The following VCAM1 variants were observed in gnomAD, a reference collection of about 807,000 sequenced individuals.
VCAM1 encodes the protein vascular cell adhesion molecule 1.
A neutral mutation model predicts 63.8 loss-of-function variants in VCAM1; 41 were observed. The observed-to-expected ratio is 0.64, with a 90% confidence interval of 0.50 to 0.83. The LOEUF (loss-of-function observed/expected upper bound fraction) is 0.83. VCAM1 is among the 40% of genes least tolerant of loss of function. The pLI, the probability that VCAM1 is intolerant of heterozygous loss-of-function variation, is 0.00. For missense variants in VCAM1, 798 were observed against 875.5 expected (o/e 0.91, Z 1.12); for synonymous variants, 338 against 320.7 (o/e 1.05, Z -0.58).
At position 100,720,521 on chromosome 1, in the gene VCAM1, C is replaced by G. The variant is rs1266590166; in HGVS notation, c.110C>G (p.Ala37Gly). ...ACCACCCCAGAATCTAGATATCTTG[C>G]TCAGATTGGTGACTCCGTCTCATTG... is the stretch of plus-strand genomic sequence containing the variant. Reference protein sequence around the residue: ...IETTPESRYLAQIGDSVSLTC... With the variant: ...IETTPESRYLGQIGDSVSLTC... Residue 37 changes from alanine (A) to glycine (G), a missense_variant, in exon 2 of 9, where the codon GCT (alanine) becomes GGT (glycine). Physicochemically the swap from Ala to Gly is moderately conservative, Grantham distance 60. Transcript: ENST00000294728. The G allele has an allele frequency of 6.2e-7, 1 of 1,613,048 alleles. No homozygotes were observed.
At chr1:100,723,419 G>T in intron 3 of VCAM1, 79 bp downstream of exon 3, 55 of 1,244,046 alleles carry the variant, frequency 4.4e-5, no homozygotes, top group South Asian at 5.1e-5. Flanking sequence ...TAGCAGAAAA[G>T]TAAAAAAAAA....
rs934788682 is a variant in VCAM1 at position 100,737,778 on chromosome 1, G to GTGCCTCTCTCCAATTCCTGTTCT, written c.2060-319_2060-297dup. On this transcript the variant is annotated intron_variant, in intron 8 of 8. Coordinates refer to ENST00000294728, the MANE Select transcript of VCAM1 (RefSeq NM_001078.4). Reference sequence around the variant, plus strand: ...TAGATATTTTTATTTCCCCAAGCAAGTGCCTCTCTCCAATTCCTGTTCTTG... The same window carrying GTGCCTCTCTCCAATTCCTGTTCT: ...TAGATATTTTTATTTCCCCAAGCAAGTGCCTCTCTCCAATTCCTGTTCTTGCCTCTCTCCAATTCCTGTTCTTG... 9.2e-4 allele frequency: 154 copies of GTGCCTCTCTCCAATTCCTGTTCT among 167,724 alleles called. 1 individual carries two copies. Among genetic ancestry groups the GTGCCTCTCTCCAATTCCTGTTCT allele is most frequent in the Non-Finnish European group, 1.5e-3 (118 of 78,118 alleles). 10.4% of individuals were successfully genotyped at this position (167,724 alleles called of 1,614,324 possible). A position where few individuals can be genotyped will look rare whatever the true frequency, so the allele number is the denominator to read the frequency against.
Position 100,738,784 on chromosome 1 carries a change from G to A in VCAM1, c.*501G>A, listed in dbSNP as rs1471787621. The A allele has an allele frequency of 6.6e-6, 1 of 152,256 alleles. No individual in the cohort carries two copies. Among genetic ancestry groups the A allele is most frequent in the Non-Finnish European group, 1.5e-5 (1 of 68,122 alleles). 9.4% of individuals were successfully genotyped at this position (152,256 alleles called of 1,614,324 possible). A position where few individuals can be genotyped will look rare whatever the true frequency, so the allele number is the denominator to read the frequency against. ...ATTTCAGGTTTTGTAAAGATGCCGG[G>A]TTTTATATTTTTATAGACAAATAAT... is the stretch of plus-strand genomic sequence containing the variant. On this transcript the variant is annotated 3_prime_UTR_variant, in exon 9 of 9. Transcript: ENST00000294728.
rs372051353 is a variant in VCAM1 at position 100,729,309 on chromosome 1, C to T, written c.1131C>T (p.Asn377=). Residue 377 remains asparagine (N), a synonymous_variant, in exon 5 of 9, where the codon AAC becomes AAT. Coordinates refer to ENST00000294728, the MANE Select transcript of VCAM1 (RefSeq NM_001078.4). ...CCCTGAGCCCTGTGAGTTTTGAGAA[C>T]GAACACTCTTATCTGTGCACAGTGA... ...TLTLSPVSFE[N]EHSYLCTVTC... The T allele has an allele frequency of 4.3e-5, 69 of 1,613,224 alleles. No homozygotes were observed. The highest frequency in any genetic ancestry group is 6.7e-5 in the Admixed American group (4 of 59,906).
intron 3 of VCAM1, 36 bp downstream of exon 3, chr1:100,723,376 GA>G: frequency 6.3e-7 from 1 of 1,590,038 alleles, no homozygotes; most frequent in Non-Finnish European, 8.6e-7. Flanking sequence ...GTCTTTGTGG[GA>G]ATCCCACCTT....
intron 5 of VCAM1, among the ~76,000 whole-genome samples, chr1:100,730,139 G>T (rs1660387542): frequency 6.6e-6 from 1 of 152,050 alleles, no homozygotes; most frequent in Non-Finnish European, 1.5e-5. Flanking sequence ...GAACTCAAGA[G>T]AACATATCGT....
In VCAM1 at chr1:100,724,813, A is replaced by T. The variant is rs765786995; in HGVS notation, c.851A>T (p.Glu284Val). ...ATLTLIAMRM[E>V]DSGIYVCEGV... The stretch of plus-strand genomic sequence containing the variant: ...CTCACCTTAATTGCTATGAGGATGG[A>T]AGATTCTGGAATTTATGTGTGTGAA... The change falls in exon 4 of 9, where the codon GAA (glutamate) becomes GTA (valine). Residue 284 changes from glutamate to valine, a missense_variant. Physicochemically the swap from Glu to Val is moderately radical, Grantham distance 121 (BLOSUM62 -2). Coordinates refer to ENST00000294728, the MANE Select transcript of VCAM1 (RefSeq NM_001078.4). 2 of 1,613,006 alleles carry T rather than the reference A, an allele frequency of 1.2e-6. No individual in the cohort carries two copies. Among genetic ancestry groups the T allele is most frequent in the South Asian group, 2.2e-5 (2 of 91,048 alleles).
chr1:100,722,133 A>T (rs1454087079), intron 2 of VCAM1, among the ~76,000 whole-genome samples: 1 of 152,018 alleles, frequency 6.6e-6, no homozygotes, highest in East Asian at 1.9e-4. Context: ...TCTTTTTGCT[A>T]CACAGTTTTG....
intron 1 of VCAM1, 147 bp downstream of exon 1, chr1:100,720,071 G>T: frequency 1.2e-6 from 1 of 845,534 alleles, no homozygotes; most frequent in East Asian, 2.7e-5. Flanking sequence ...CTTTTAATAT[G>T]CAATTGAGTT....
At chr1:100,730,290 A>C (rs533683356) in intron 5 of VCAM1, among the ~76,000 whole-genome samples, 1 of 152,244 alleles carries the variant, frequency 6.6e-6, no homozygotes, top group African/African-American at 2.4e-5. Context: ...TATTACCCAG[A>C]GTCCATGATC....
At chr1:100,727,371 A>G (rs1402251244) in intron 4 of VCAM1, among the ~76,000 whole-genome samples, 1 of 152,026 alleles carries the variant, frequency 6.6e-6, no homozygotes, top group African/African-American at 2.4e-5. Context: ...ATAAAAATCA[A>G]ACTCACCCTA....
chr1:100,734,227 C>T (rs1031909007), intron 7 of VCAM1, among the ~76,000 whole-genome samples: 2 of 152,118 alleles, frequency 1.3e-5, no homozygotes, highest in African/African-American at 4.8e-5. Flanking sequence ...GGACACAGAG[C>T]CAAACCATAT....
In VCAM1 at chr1:100,732,432, A is replaced by G; in HGVS notation, c.1540A>G (p.Thr514Ala). The G allele has an allele frequency of 1.3e-6, 2 of 1,567,554 alleles. No individual in the cohort carries two copies. Among genetic ancestry groups the G allele is most frequent in the East Asian group, 2.3e-5 (1 of 43,946 alleles). The change falls in exon 7 of 9, where the codon ACA becomes GCA. Residue 514 changes from threonine to alanine, a missense_variant. Coordinates refer to ENST00000294728, the MANE Select transcript of VCAM1 (RefSeq NM_001078.4). ...TGCCTTTTCAGTTGCCCCCAGAGAT[A>G]CAACCGTCTTGGTCAGCCCTTCCTC... ...TLYVNVAPRD[T>A]TVLVSPSSIL...
At chr1:100,723,866 T>G (rs1660059766) in intron 3 of VCAM1, among the ~76,000 whole-genome samples, 1 of 151,898 alleles carries the variant, frequency 6.6e-6, no homozygotes, top group Non-Finnish European at 1.5e-5. Context: ...GCCAGGGGAT[T>G]TGTGGGAGTC....
At chr1:100,729,463 A>G in intron 5 of VCAM1, 81 bp downstream of exon 5, 3 of 1,455,402 alleles carry the variant, frequency 2.1e-6, no homozygotes, top group Non-Finnish European at 2.7e-6. Flanking sequence ...GTGAAGTGCA[A>G]TGAAATCCTT....
intron 4 of VCAM1, among the ~76,000 whole-genome samples, chr1:100,725,465 A>G (rs987793037): frequency 1.3e-5 from 2 of 152,074 alleles, no homozygotes; most frequent in African/African-American, 4.8e-5. Context: ...TCAAGAAATA[A>G]CTAAAAAGTA....
Position 100,724,867 on chromosome 1 carries a change from A to T in VCAM1, c.905A>T (p.Lys302Ile), listed in dbSNP as rs773551543. 34 of 1,612,614 alleles carry T rather than the reference A, an allele frequency of 2.1e-5. No individual in the cohort carries two copies. Among genetic ancestry groups the T allele is most frequent in the Non-Finnish European group, 2.5e-5 (30 of 1,179,202 alleles). ...GTTAATTTGATTGGGAAAAACAGAA[A>T]AGAGGTGGAATTAATTGTTCAAGGT... is the stretch of plus-strand genomic sequence containing the variant. ...EGVNLIGKNR[K>I]EVELIVQEKP... The change falls in exon 4 of 9, where the codon AAA (lysine) becomes ATA (isoleucine). Residue 302 changes from lysine (K) to isoleucine (I), a missense_variant. Physicochemically the swap from Lys to Ile is moderately radical, Grantham distance 102. Coordinates refer to ENST00000294728, the MANE Select transcript of VCAM1 (RefSeq NM_001078.4).
In VCAM1 at chr1:100,738,428, C is replaced by T; in HGVS notation, c.*145C>T. The T allele has an allele frequency of 1.1e-6, 1 of 900,370 alleles. No homozygotes were observed. The highest frequency in any genetic ancestry group is 1.6e-6 in the Non-Finnish European group (1 of 625,574). The allele number at this position is 900,370 out of a possible 1,614,324, so 55.8% of individuals were successfully genotyped here. A position where few individuals can be genotyped will look rare whatever the true frequency, so the allele number is the denominator to read the frequency against. On this transcript the variant is annotated 3_prime_UTR_variant, in exon 9 of 9. Transcript: ENST00000294728. ...TGGAAAGAAATGCCCATCTATGTCC[C>T]TTGCTGTGAGCAAGAAGTCAAAGTA...
At chr1:100,720,014 T>A in intron 1 of VCAM1, 90 bp downstream of exon 1, 1 of 1,362,068 alleles carries the variant, frequency 7.3e-7, no homozygotes, top group Non-Finnish European at 1.0e-6. Flanking sequence ...AGTAGTGAAG[T>A]AAAGACACTA....
Sources: gnomAD v4.1 joint callset for allele counts (sites outside exome capture counted in the v4.1 genomes callset) on GRCh38, gnomAD v4.1.1 for gene constraint, MANE v1.5 for transcripts, NCBI Gene and HGNC (gene_info 2026-07-23, HGNC 2026-07-21) for gene names.